The following FAM83B variants were observed in gnomAD, a reference collection of about 807,000 sequenced individuals.
FAM83B encodes the protein protein FAM83B.
In FAM83B, 26 loss-of-function variants were observed where a neutral mutation model predicts 38.8. The observed-to-expected ratio is 0.67, with a 90% CI of 0.49 to 0.93. The LOEUF is 0.93. Among genes scored for constraint, FAM83B ranks in the 40% least tolerant of loss-of-function variants. The probability of loss-of-function intolerance (pLI) is 0.00; values close to 1 mark genes in which losing one functional copy is unlikely to be tolerated. For synonymous variants in FAM83B, 419 were observed against 423.1 expected, an observed-to-expected ratio of 0.99 and a Z score of 0.12; for missense variants, 1,237 against 1,197.3, an observed-to-expected ratio of 1.03 and a Z score of -0.49.
At chr6:54,915,812 C>CAAA (rs58597609) in intron 2 of FAM83B, among the ~76,000 whole-genome samples, 12 of 18,022 alleles carry the variant, frequency 6.7e-4, no homozygotes, top group East Asian at 2.8e-3. Context: ...GACTCCGTCT[C>CAAA]AAAAAAAAAA....
chr6:54,879,185 G>A (rs1482493050), intron 2 of FAM83B, among the ~76,000 whole-genome samples: 5 of 152,190 alleles, frequency 3.3e-5, no homozygotes, highest in African/African-American at 4.8e-5. Flanking sequence ...ACATGTCTAA[G>A]TATCTCTAGA....
At chr6:54,865,656 T>C (rs1771682784) in intron 1 of FAM83B, among the ~76,000 whole-genome samples, 1 of 152,182 alleles carries the variant, frequency 6.6e-6, no homozygotes, top group Non-Finnish European at 1.5e-5. Context: ...CTTTGGTTTA[T>C]TGGCTTGCAC....
chr6:54,855,922 T>C (rs1435750209), intron 1 of FAM83B, among the ~76,000 whole-genome samples: 1 of 152,184 alleles, frequency 6.6e-6, no homozygotes, highest in East Asian at 1.9e-4. Context: ...AATAATTCAG[T>C]TTATTTTGTA....
At chr6:54,917,432 T>C (rs943764803) in intron 2 of FAM83B, among the ~76,000 whole-genome samples, 2 of 152,178 alleles carry the variant, frequency 1.3e-5, no homozygotes, top group Non-Finnish European at 2.9e-5. Context: ...TTTTAAATGT[T>C]CCCTTCCCAA....
intron 2 of FAM83B, among the ~76,000 whole-genome samples, chr6:54,920,370 C>T (rs1208543893): frequency 6.6e-6 from 1 of 151,226 alleles, no homozygotes; most frequent in Non-Finnish European, 1.5e-5. Flanking sequence ...ATGAGTTTTT[C>T]TTCTGCTGAA....
chr6:54,872,733 C>T (rs977745397), intron 2 of FAM83B, among the ~76,000 whole-genome samples: 1 of 152,128 alleles, frequency 6.6e-6, no homozygotes, highest in Non-Finnish European at 1.5e-5. Flanking sequence ...ATCTTCTACC[C>T]GGTCACTGTC....
rs372394100 is a variant in FAM83B at position 54,927,269 on chromosome 6, G to C, written c.610-239G>C. Among the ~76,000 whole-genome samples, 16 of 152,142 alleles carry C rather than the reference G, an allele frequency of 1.1e-4. No homozygotes were observed. The East Asian group carries it at 2.9e-3, about 28-fold the overall frequency. On this transcript the variant is annotated intron_variant, in intron 3 of 4. Coordinates refer to ENST00000306858, the MANE Select transcript of FAM83B (RefSeq NM_001010872.3). ...CCAAAAGGGTTTTTTATAGTGAGAG[G>C]CTGAGTGATCTTTGATGCTATTCTG...
At position 54,876,722 on chromosome 6, in the gene FAM83B, A is replaced by AAT. The variant is rs559848397; in HGVS notation, c.444+6044_444+6045dup. On this transcript the variant is annotated intron_variant, in intron 2 of 4. Coordinates refer to ENST00000306858, the MANE Select transcript of FAM83B (RefSeq NM_001010872.3). ...TTTAAATTCTCTCTCTCTCTCTTTA[A>AAT]ATATATATATATAAAATAAGCAGTG... is the stretch of plus-strand genomic sequence containing the variant. Among the ~76,000 whole-genome samples, 166 of 151,502 alleles carry AAT rather than the reference A, an allele frequency of 1.1e-3. 1 individual carries two copies. Among genetic ancestry groups the AAT allele is most frequent in the Non-Finnish European group, 1.8e-3 (124 of 67,824 alleles).
At chr6:54,922,048 G>A (rs1773184501) in intron 2 of FAM83B, among the ~76,000 whole-genome samples, 1 of 152,028 alleles carries the variant, frequency 6.6e-6, no homozygotes, top group Non-Finnish European at 1.5e-5. Context: ...TGTCAGAGAT[G>A]TATAATCTAG....
At chr6:54,939,403 T>C (rs1204428635) in intron 4 of FAM83B, among the ~76,000 whole-genome samples, 7 of 152,126 alleles carry the variant, frequency 4.6e-5, no homozygotes, top group African/African-American at 1.4e-4. Context: ...TGAAAAATGA[T>C]GATGGTATTT....
intron 2 of FAM83B, among the ~76,000 whole-genome samples, chr6:54,894,272 A>G (rs1273744880): frequency 6.6e-6 from 1 of 152,064 alleles, no homozygotes; most frequent in African/African-American, 2.4e-5. Context: ...TTCAGGAAGC[A>G]GTGAATCTGG....
chr6:54,907,049 A>G (rs753480108), intron 2 of FAM83B, among the ~76,000 whole-genome samples: 1 of 152,192 alleles, frequency 6.6e-6, no homozygotes, highest in Non-Finnish European at 1.5e-5. Context: ...CATCAAATTT[A>G]TACTCATTAC....
chr6:54,901,945 A>G (rs775265505), intron 2 of FAM83B, among the ~76,000 whole-genome samples: 19 of 152,182 alleles, frequency 1.2e-4, no homozygotes, highest in Middle Eastern at 3.4e-3. Context: ...GGTCCCTCTT[A>G]CTTAGGAATC....
intron 2 of FAM83B, among the ~76,000 whole-genome samples, chr6:54,876,724 T>A (rs1028749553): frequency 1.3e-5 from 2 of 151,910 alleles, no homozygotes; most frequent in African/African-American, 4.8e-5. Flanking sequence ...TCTCTTTAAA[T>A]ATATATATAT....
At chr6:54,904,339 A>G (rs1772729461) in intron 2 of FAM83B, among the ~76,000 whole-genome samples, 1 of 152,230 alleles carries the variant, frequency 6.6e-6, no homozygotes, top group Admixed American at 6.5e-5. Flanking sequence ...ATCTTCCACA[A>G]GTTCTAAGGT....
chr6:54,895,540 G>C (rs1273788038), intron 2 of FAM83B, among the ~76,000 whole-genome samples: 2 of 152,056 alleles, frequency 1.3e-5, no homozygotes, highest in African/African-American at 4.8e-5. Context: ...TTCAAACTCA[G>C]TTATTGCACC....
chr6:54,862,984 G>A (rs532837307), intron 1 of FAM83B, among the ~76,000 whole-genome samples: 1 of 152,274 alleles, frequency 6.6e-6, no homozygotes, highest in Non-Finnish European at 1.5e-5. Context: ...TTTGAAGGGT[G>A]ATTCTGGAGA....
rs1425624039 is a variant in FAM83B at position 54,941,490 on chromosome 6, G to T, written c.2519G>T (p.Gly840Val). 1 of 1,613,930 alleles carries T rather than the reference G, an allele frequency of 6.2e-7. No individual in the cohort carries two copies. Among genetic ancestry groups the T allele is most frequent in the East Asian group, 2.2e-5 (1 of 44,864 alleles). ...CATTCTTCCTCATCGAATTCTCAAG[G>T]CAGCATCCACAAGAGTAAGGAAGAT... The part of the protein sequence containing the change: ...RKHSSSSNSQ[G>V]SIHKSKEDVT... Residue 840 changes from glycine (G) to valine (V), a missense_variant, in exon 5 of 5, where the codon GGC (glycine) becomes GTC (valine). Coordinates refer to ENST00000306858, the MANE Select transcript of FAM83B (RefSeq NM_001010872.3).
At chr6:54,882,568 A>T (rs1337043741) in intron 2 of FAM83B, among the ~76,000 whole-genome samples, 1 of 152,332 alleles carries the variant, frequency 6.6e-6, no homozygotes, top group East Asian at 1.9e-4. Context: ...GGCAGGCTCC[A>T]TGCAAACCAG....
Sources: allele counts gnomAD v4.1 joint callset (sites outside exome capture counted in the v4.1 genomes callset), GRCh38; gene constraint gnomAD v4.1.1; transcripts MANE v1.5; gene names NCBI Gene and HGNC (gene_info 2026-07-23, HGNC 2026-07-21).